BLOC1S2: variants seen among roughly 807,000 people sequenced by gnomAD.
The protein encoded by BLOC1S2 is biogenesis of lysosome-related organelles complex 1 subunit 2.
In BLOC1S2, 12 loss-of-function variants were observed where a neutral mutation model predicts 19.6. The observed-to-expected ratio is 0.61, with a 90% confidence interval of 0.39 to 0.99. The LOEUF (loss-of-function observed/expected upper bound fraction) is 0.99. Ranked by LOEUF, BLOC1S2 falls within the 50% of genes least tolerant of loss-of-function variation. The pLI, the probability that BLOC1S2 is intolerant of heterozygous loss-of-function variation, is 0.00. For synonymous variants in BLOC1S2, 66 were observed against 64.1 expected, an observed-to-expected ratio of 1.03 and a Z score of -0.14; for missense variants, 142 against 171.0, an observed-to-expected ratio of 0.83 and a Z score of 0.95.
rs577943792 is a variant in BLOC1S2, at chr10:100,286,677, T to G, written c.-18A>C. The G allele has an allele frequency of 1.4e-5, 23 of 1,607,480 alleles. No homozygotes were observed. In the South Asian group the frequency reaches 2.5e-4, roughly 18 times the overall value. On this transcript the variant is annotated 5_prime_UTR_variant, in exon 1 of 5. Coordinates refer to ENST00000370372, the MANE Select transcript of BLOC1S2 (RefSeq NM_173809.5). ...GCCGCCATAGCGGACCCCGCGCTGT[T>G]TCCGGGCCGGGGTGCTGCGCATGCG...
At chr10:100,283,272 G>A (rs1287447800) in intron 2 of BLOC1S2, among the ~76,000 whole-genome samples, 1 of 152,064 alleles carries the variant, frequency 6.6e-6, no homozygotes. Flanking sequence ...CCACCACTCT[G>A]CCTCAGATCT....
At chr10:100,276,975 T>C (rs1847897556) in intron 4 of BLOC1S2, among the ~76,000 whole-genome samples, 1 of 150,686 alleles carries the variant, frequency 6.6e-6, no homozygotes, top group African/African-American at 2.5e-5. Flanking sequence ...TCGTCTGGGA[T>C]GTGAGGAGCC....
rs71013439 is a variant in BLOC1S2 at position 100,281,711 on chromosome 10, TACACACACACACAC to T, written c.173-672_173-659del. Among the ~76,000 whole-genome samples the T allele has an allele frequency of 2.8e-4, 37 of 132,576 alleles. No homozygotes were observed. In the South Asian group the frequency reaches 8.7e-3, roughly 31 times the overall value. The allele number at this position is 132,576 out of a possible 152,430, so 87.0% of individuals were successfully genotyped here. A position where few individuals can be genotyped will look rare whatever the true frequency, so the allele number is the denominator to read the frequency against. Reference sequence around the variant, plus strand: ...AAAAAAAAATATATATATATACACATACACACACACACACACACACACACACACACACACTATCA... The same window carrying T: ...AAAAAAAAATATATATATATACACATACACACACACACACACACACTATCA... On this transcript the variant is annotated intron_variant, in intron 2 of 4. Coordinates refer to ENST00000370372, the MANE Select transcript of BLOC1S2 (RefSeq NM_173809.5).
intron 3 of BLOC1S2, among the ~76,000 whole-genome samples, chr10:100,280,714 G>C (rs1483854142): frequency 6.6e-6 from 1 of 151,876 alleles, no homozygotes; most frequent in Non-Finnish European, 1.5e-5. Context: ...TCCCATTCCA[G>C]GAATAAACTG....
At chr10:100,277,507 G>A (rs1230047704) in intron 4 of BLOC1S2, among the ~76,000 whole-genome samples, 1 of 121,680 alleles carries the variant, frequency 8.2e-6, no homozygotes, top group Non-Finnish European at 1.8e-5. Flanking sequence ...GAGGGAGGTG[G>A]GGGGGTCAGC....
At chr10:100,275,526 A>G (rs1375598992) in intron 4 of BLOC1S2, 33 bp from the exon 5 acceptor site, 3 of 1,589,814 alleles carry the variant, frequency 1.9e-6, no homozygotes. Flanking sequence ...ACATCTTTTA[A>G]AACTGGCTCT....
chr10:100,284,841 G>C (rs866344072), intron 2 of BLOC1S2, among the ~76,000 whole-genome samples: 1 of 151,968 alleles, frequency 6.6e-6, no homozygotes, highest in South Asian at 2.1e-4. Context: ...GAAGATCTCA[G>C]GCAGAGTGGT....
rs1474642806 is a variant in BLOC1S2, at chr10:100,273,972, T to C, written c.*1490A>G. The C allele has an allele frequency of 6.6e-6, 1 of 152,138 alleles. No homozygotes were observed. Among genetic ancestry groups the C allele is most frequent in the Non-Finnish European group, 1.5e-5 (1 of 68,026 alleles). The allele number at this position is 152,138 out of a possible 1,614,324, so 9.4% of individuals were successfully genotyped here. On this transcript the variant is annotated 3_prime_UTR_variant, in exon 5 of 5. Coordinates refer to ENST00000370372, the MANE Select transcript of BLOC1S2 (RefSeq NM_173809.5). ...TTTTTATTTAAGAAAAATGTTTAAATAGGGGCCTTATGTTAGGCACGGTGG... is the reference window on the plus strand; with the variant it reads ...TTTTTATTTAAGAAAAATGTTTAAACAGGGGCCTTATGTTAGGCACGGTGG...
At chr10:100,275,893 G>A (rs1847836646) in intron 4 of BLOC1S2, among the ~76,000 whole-genome samples, 1 of 152,180 alleles carries the variant, frequency 6.6e-6, no homozygotes. Flanking sequence ...CCTCCTGTAT[G>A]TTCTTATCCT....
At position 100,274,652 on chromosome 10, in the gene BLOC1S2, G is replaced by A. The variant is rs146790774; in HGVS notation, c.*810C>T. ...GATGTTTTTAGTGTGCAAAGAAGTC[G>A]ATTAGGTCCCTAAGATCCCCCCAAA... On this transcript the variant is annotated 3_prime_UTR_variant, in exon 5 of 5. Coordinates refer to ENST00000370372, the MANE Select transcript of BLOC1S2 (RefSeq NM_173809.5). 522 of 249,070 alleles carry A rather than the reference G, an allele frequency of 2.1e-3. 5 individuals carry two copies. The highest frequency in any genetic ancestry group is 0.011 in the African/African-American group (488 of 45,436). 15.4% of individuals were successfully genotyped at this position (249,070 alleles called of 1,614,324 possible).
intron 2 of BLOC1S2, 114 bp from the exon 3 acceptor site, chr10:100,281,167 T>C (rs1848092526): frequency 8.0e-7 from 1 of 1,249,908 alleles, no homozygotes; most frequent in African/African-American, 1.5e-5. Context: ...GTCAAAGGAG[T>C]GGGCCACTTT....
chr10:100,285,904 T>G (rs561156596), intron 2 of BLOC1S2, among the ~76,000 whole-genome samples, 193 bp downstream of exon 2: 29 of 152,354 alleles, frequency 1.9e-4, no homozygotes, highest in African/African-American at 6.7e-4. Flanking sequence ...TGTTATTGTT[T>G]TCTCATTAGT....
chr10:100,279,322 G>A (rs1472307202), intron 4 of BLOC1S2, among the ~76,000 whole-genome samples: 1 of 152,194 alleles, frequency 6.6e-6, no homozygotes, highest in Non-Finnish European at 1.5e-5. Context: ...AAGAACTTGA[G>A]CTTTGTAAGC....
At chr10:100,282,915 A>ATTAG (rs1848144134) in intron 2 of BLOC1S2, 2 of 398,436 alleles carry the variant, frequency 5.0e-6, no homozygotes, top group Non-Finnish European at 8.8e-6. Flanking sequence ...CCTACTTCTA[A>ATTAG]GCTCTTCCTT....
intron 4 of BLOC1S2, among the ~76,000 whole-genome samples, chr10:100,277,785 A>C: frequency 8.9e-6 from 1 of 112,114 alleles, no homozygotes; most frequent in African/African-American, 3.5e-5. Context: ...CCTACTGGGA[A>C]GTGAGGAGCC....
chr10:100,278,641 C>G (rs935655386), intron 4 of BLOC1S2, among the ~76,000 whole-genome samples: 1 of 152,200 alleles, frequency 6.6e-6, no homozygotes, highest in Non-Finnish European at 1.5e-5. Context: ...GCAGCATGCT[C>G]GTTAAGAGTC....
At chr10:100,282,824 C>T in intron 2 of BLOC1S2, 1 of 398,374 alleles carries the variant, frequency 2.5e-6, no homozygotes, top group Non-Finnish European at 4.4e-6. Flanking sequence ...CATTTGGAAA[C>T]CTAGGTACTT....
At chr10:100,278,029 C>G (rs555731286) in intron 4 of BLOC1S2, among the ~76,000 whole-genome samples, 3 of 133,730 alleles carry the variant, frequency 2.2e-5, no homozygotes, top group African/African-American at 2.9e-5. Flanking sequence ...GCCCCCCGCC[C>G]GGCCAGCCGC....
chr10:100,280,257 T>A, intron 3 of BLOC1S2, 29 bp from the exon 4 acceptor site: 1 of 1,537,854 alleles, frequency 6.5e-7, no homozygotes, highest in African/African-American at 1.4e-5. Context: ...ACTTCATGTT[T>A]ATATGGCTTT....
Sources: gnomAD v4.1 joint callset for allele counts (sites outside exome capture counted in the v4.1 genomes callset) on GRCh38, gnomAD v4.1.1 for gene constraint, MANE v1.5 for transcripts, NCBI Gene and HGNC (gene_info 2026-07-23, HGNC 2026-07-21) for gene names.